Variants in SDK1 observed in about 807,000 individuals in gnomAD.
SDK1 encodes the protein protein sidekick-1.
SDK1 carries 157 observed loss-of-function variants against 245.5 expected under a neutral mutation model. The observed-to-expected ratio is 0.64, with a 90% CI of 0.56 to 0.73. The LOEUF (loss-of-function observed/expected upper bound fraction) is 0.73, where lower values mean the gene tolerates loss of function less well. SDK1 is among the 30% of genes least tolerant of loss of function. SDK1 has a pLI of 0.00. For synonymous variants in SDK1, 1,647 were observed against 1,278.5 expected (o/e 1.29, Z -6.15); for missense variants, 3,583 against 3,002.3 (o/e 1.19, Z -4.52).
intron 5 of SDK1, among the ~76,000 whole-genome samples, chr7:3,935,187 C>T (rs1211303430): frequency 6.6e-6 from 1 of 152,150 alleles, no homozygotes; most frequent in Non-Finnish European, 1.5e-5. Context: ...AGGGCACAGG[C>T]AGCACCTGCC....
intron 5 of SDK1, among the ~76,000 whole-genome samples, chr7:3,907,687 C>T (rs1225769662): frequency 6.6e-6 from 1 of 152,162 alleles, no homozygotes; most frequent in African/African-American, 2.4e-5. Flanking sequence ...CAGACTCTTA[C>T]CAAAATGAAA....
At chr7:3,556,622 A>G (rs1779594751) in intron 1 of SDK1, among the ~76,000 whole-genome samples, 1 of 151,830 alleles carries the variant, frequency 6.6e-6, no homozygotes, top group Non-Finnish European at 1.5e-5. Flanking sequence ...GGATTTTGAG[A>G]CCAGTCTGGC....
intron 5 of SDK1, among the ~76,000 whole-genome samples, chr7:3,823,163 A>C (rs1373366363): frequency 1.3e-5 from 2 of 152,198 alleles, no homozygotes; most frequent in Non-Finnish European, 2.9e-5. Flanking sequence ...TGCATTGAGA[A>C]TTACAGTAGA....
intron 44 of SDK1, 142 bp from the exon 45 acceptor site, chr7:4,264,982 G>A: frequency 1.5e-6 from 2 of 1,304,206 alleles, no homozygotes; most frequent in Non-Finnish European, 2.1e-6. Context: ...GGAGGGCCTG[G>A]CATTGGGTTG....
intron 1 of SDK1, among the ~76,000 whole-genome samples, chr7:3,342,560 C>A (rs1489351434): frequency 3.3e-5 from 5 of 151,888 alleles, no homozygotes; most frequent in African/African-American, 1.2e-4. Flanking sequence ...TGCACTCCAG[C>A]CTAGGCAACA....
At chr7:4,263,089 C>A (rs1195421546) in intron 44 of SDK1, among the ~76,000 whole-genome samples, 1 of 888 alleles carries the variant, frequency 1.1e-3, no homozygotes, top group African/African-American at 5.6e-3. Context: ...CTCATCACCC[C>A]CCACCCCTTC....
intron 32 of SDK1, among the ~76,000 whole-genome samples, chr7:4,163,738 G>A (rs1201097107): frequency 1.3e-5 from 2 of 152,158 alleles, no homozygotes; most frequent in African/African-American, 4.8e-5. Flanking sequence ...TGCTAGAGAT[G>A]CCAGAGAGGA....
At chr7:3,986,918 T>C (rs1056826051) in intron 13 of SDK1, among the ~76,000 whole-genome samples, 2 of 152,176 alleles carry the variant, frequency 1.3e-5, no homozygotes, top group Admixed American at 6.5e-5. Flanking sequence ...CCCCTATTTA[T>C]GTGACAGCGT....
intron 1 of SDK1, among the ~76,000 whole-genome samples, chr7:3,425,074 G>A (rs1489561806): frequency 6.6e-6 from 1 of 150,458 alleles, no homozygotes; most frequent in Non-Finnish European, 1.5e-5. Flanking sequence ...CAAATCTTGA[G>A]GCCTATGTTT....
chr7:4,044,734 C>T (rs758119495), intron 17 of SDK1, among the ~76,000 whole-genome samples: 2 of 152,146 alleles, frequency 1.3e-5, no homozygotes, highest in African/African-American at 2.4e-5. Flanking sequence ...CATCAGTCAC[C>T]ATGCCCTGCC....
At chr7:3,820,959 C>G (rs941063913) in intron 4 of SDK1, among the ~76,000 whole-genome samples, 1 of 152,240 alleles carries the variant, frequency 6.6e-6, no homozygotes. Context: ...GCACTGTGCC[C>G]ATTGGCGACT....
intron 1 of SDK1, among the ~76,000 whole-genome samples, chr7:3,307,112 G>C (rs1779435375): frequency 6.6e-6 from 1 of 152,090 alleles, no homozygotes; most frequent in African/African-American, 2.4e-5. Flanking sequence ...AATACTCCTG[G>C]TACCCAATTA....
At chr7:4,127,289 A>G (rs889176473) in intron 25 of SDK1, 92 bp from the exon 26 acceptor site, 6 of 952,390 alleles carry the variant, frequency 6.3e-6, no homozygotes, top group Non-Finnish European at 1.0e-5. Flanking sequence ...TTGCTATTTC[A>G]AGGACAACTT....
intron 25 of SDK1, among the ~76,000 whole-genome samples, chr7:4,116,867 G>A (rs1783747987): frequency 6.6e-6 from 1 of 152,192 alleles, no homozygotes; most frequent in Admixed American, 6.5e-5. Context: ...AGTGTTTCAG[G>A]ATGGAACTGC....
At chr7:3,812,163 T>C (rs1284643914) in intron 4 of SDK1, among the ~76,000 whole-genome samples, 1 of 152,196 alleles carries the variant, frequency 6.6e-6, no homozygotes, top group Non-Finnish European at 1.5e-5. Flanking sequence ...ATTTAGAAAA[T>C]GGTTAAATTA....
chr7:3,746,531 C>T (rs2115059006), intron 4 of SDK1, among the ~76,000 whole-genome samples: 1 of 152,340 alleles, frequency 6.6e-6, no homozygotes, highest in South Asian at 2.1e-4. Flanking sequence ...CCTCTCAAAT[C>T]CTGCTGCTGC....
At chr7:3,806,431 C>T (rs1400559513) in intron 4 of SDK1, among the ~76,000 whole-genome samples, 2 of 152,246 alleles carry the variant, frequency 1.3e-5, no homozygotes, top group African/African-American at 2.4e-5. Context: ...CGAGAAGGCT[C>T]ATGTGACCCA....
chr7:3,938,130 C>T (rs996307765), intron 5 of SDK1, among the ~76,000 whole-genome samples: 1 of 152,232 alleles, frequency 6.6e-6, no homozygotes, highest in Non-Finnish European at 1.5e-5. Context: ...AGCTACCGCA[C>T]CTGGCTTCCA....
intron 32 of SDK1, among the ~76,000 whole-genome samples, chr7:4,171,490 A>C (rs1469538364): frequency 1.3e-5 from 2 of 152,300 alleles, no homozygotes; most frequent in Admixed American, 6.5e-5. Context: ...CTTTAAAAAA[A>C]GCAAAAAAAT....
Sources: gnomAD v4.1 joint callset for allele counts (sites outside exome capture counted in the v4.1 genomes callset) on GRCh38, gnomAD v4.1.1 for gene constraint, MANE v1.5 for transcripts, NCBI Gene and HGNC (gene_info 2026-07-23, HGNC 2026-07-21) for gene names.